Variants in ADGRB1 observed in about 807,000 individuals in gnomAD.
ADGRB1 encodes adhesion G protein-coupled receptor B1, also known as brain-specific angiogenesis inhibitor 1.
ADGRB1 carries 36 observed loss-of-function variants against 175.7 expected under a neutral mutation model. That is an observed-to-expected ratio of 0.20 (90% CI 0.16 to 0.27). The LOEUF is 0.27. Ranked by LOEUF, ADGRB1 falls within the 10% of genes least tolerant of loss-of-function variation. ADGRB1 has a pLI of 1.00. For missense variants in ADGRB1, 1,731 were observed against 2,255.3 expected, an observed-to-expected ratio of 0.77 and a Z score of 4.71; for synonymous variants, 1,054 against 979.4, an observed-to-expected ratio of 1.08 and a Z score of -1.42.
intron 1 of ADGRB1, among the ~76,000 whole-genome samples, chr8:142,453,083 C>G (rs553096614): frequency 3.5e-5 from 5 of 141,438 alleles, no homozygotes; most frequent in African/African-American, 1.0e-4. Context: ...GCCGCCGGGT[C>G]CCGTGACGCG....
At chr8:142,523,485 G>T (rs1228987046) in intron 22 of ADGRB1, among the ~76,000 whole-genome samples, 2 of 151,950 alleles carry the variant, frequency 1.3e-5, no homozygotes, top group African/African-American at 2.4e-5. Context: ...TGTCTAGGTG[G>T]CAGTAGGGGG....
chr8:142,464,890 G>A lies in ADGRB1; in HGVS notation c.692G>A (p.Arg231His). 1 of 1,525,676 alleles carries A rather than the reference G, an allele frequency of 6.6e-7. No homozygotes were observed. Among genetic ancestry groups the A allele is most frequent in the Non-Finnish European group, 8.8e-7 (1 of 1,141,882 alleles). 94.5% of individuals were successfully genotyped at this position (1,525,676 alleles called of 1,614,324 possible). Residue 231 changes from arginine (R) to histidine (H), a missense_variant, in exon 2 of 31, where the codon CGC (arginine) becomes CAC (histidine). Physicochemically the swap from Arg to His is conservative, Grantham distance 29 (BLOSUM62 0). Around this residue, in one of 8 missense-constraint regions of ADGRB1, gnomAD observed 383 missense variants for 383.1 expected, o/e 1.00. Coordinates refer to ENST00000517894, the MANE Select transcript of ADGRB1 (RefSeq NM_001702.3). Reference protein sequence around the residue: ...GGPAAGPLAPRGDVCLRDAVA... With the variant: ...GGPAAGPLAPHGDVCLRDAVA... ...CCTGCCGCGGGACCCCTGGCCCCCC[G>A]CGGGGATGTCTGCTTGAGAGATGCG...
In ADGRB1 at chr8:142,513,275, AC is replaced by A. The variant is rs1843205789; in HGVS notation, c.2817+2204del. On this transcript the variant is annotated intron_variant, in intron 18 of 30. Coordinates refer to ENST00000517894, the MANE Select transcript of ADGRB1 (RefSeq NM_001702.3). ...GCGGTTGGCTCTGCCGCAAGGGCAG[AC>A]CATGTGTGGCTCAGTTTGGGCTCTG... 2.0e-5 allele frequency among the ~76,000 whole-genome samples: 3 copies of A among 152,168 alleles called. No homozygotes were observed. The South Asian group carries it at 6.2e-4, about 32-fold the overall frequency.
rs1341520321 is a variant in ADGRB1, at chr8:142,500,238, T to G, written c.2675+9423T>G. On this transcript the variant is annotated intron_variant, in intron 17 of 30. Coordinates refer to ENST00000517894, the MANE Select transcript of ADGRB1 (RefSeq NM_001702.3). ...CTTCCCCCCGCGCCGCTCCTCCACC[T>G]CCCCACGCGCCGCTCCTCCACCTCC... 1.2e-3 allele frequency among the ~76,000 whole-genome samples: 29 copies of G among 23,688 alleles called. 1 individual carries two copies. Among genetic ancestry groups the G allele is most frequent in the African/African-American group, 2.9e-3 (21 of 7,162 alleles). The allele number at this position is 23,688 out of a possible 152,430, so 15.5% of individuals were successfully genotyped here. A position where few individuals can be genotyped will look rare whatever the true frequency, so the allele number is the denominator to read the frequency against.
intron 18 of ADGRB1, among the ~76,000 whole-genome samples, chr8:142,516,607 G>GGTGTGTGT (rs149819921): frequency 6.4e-5 from 9 of 141,234 alleles, no homozygotes; most frequent in Admixed American, 2.1e-4. Flanking sequence ...GCAGGCCACA[G>GGTGTGTGT]GTGTGTGTGT....
intron 25 of ADGRB1, among the ~76,000 whole-genome samples, chr8:142,534,568 AAGAG>A (rs1422872804): frequency 6.6e-6 from 1 of 152,144 alleles, no homozygotes; most frequent in African/African-American, 2.4e-5. Flanking sequence ...GAGGAAAGAC[AAGAG>A]GAGGAAGAGC....
At chr8:142,503,999 C>A (rs1842744066) in intron 17 of ADGRB1, among the ~76,000 whole-genome samples, 1 of 152,148 alleles carries the variant, frequency 6.6e-6, no homozygotes, top group African/African-American at 2.4e-5. Context: ...CAGGAGCCAG[C>A]CTCATAGACA....
rs139171909 is a variant in ADGRB1 at position 142,464,954 on chromosome 8, C to G, written c.756C>G (p.Thr252=). The change falls in exon 2 of 31, where the codon ACC becomes ACG. Residue 252 remains threonine, a synonymous_variant. Transcript: ENST00000517894. ...GGPENCLTSL[T]QDRGGHGATG... is the part of the protein sequence containing the mutation. ...CTGAAAACTGCCTCACCAGCCTGAC[C>G]CAGGACCGGGGCGGGCACGGCGCCA... is the stretch of plus-strand genomic sequence containing the variant. 2,673 of 1,525,810 alleles carry G rather than the reference C, an allele frequency of 1.8e-3. 29 individuals carry two copies. The African/African-American group carries it at 0.031, about 18-fold the overall frequency. 94.5% of individuals were successfully genotyped at this position (1,525,810 alleles called of 1,614,324 possible). A position where few individuals can be genotyped will look rare whatever the true frequency, so the allele number is the denominator to read the frequency against.
At position 142,511,116 on chromosome 8, in the gene ADGRB1, GC is replaced by G. The variant is rs999846807; in HGVS notation, c.2817+44del. Reference sequence around the variant, plus strand: ...CCGGCGGGAGGGGCGCCGGGCAGGGGCGCGGGCGGGGGCTGCCGGCGGGCCT... The same window carrying G: ...CCGGCGGGAGGGGCGCCGGGCAGGGGGCGGGCGGGGGCTGCCGGCGGGCCT... On this transcript the variant is annotated intron_variant, in intron 18 of 30. Coordinates refer to ENST00000517894, the MANE Select transcript of ADGRB1 (RefSeq NM_001702.3). This position sits in a 1 kb window ranked among gnomAD's most constrained non-coding sequence, Gnocchi z 4.5. 22 of 1,064,512 alleles carry G rather than the reference GC, an allele frequency of 2.1e-5. No individual in the cohort carries two copies. In the African/African-American group the frequency reaches 3.4e-4, roughly 17 times the overall value. The allele number at this position is 1,064,512 out of a possible 1,614,324, so 65.9% of individuals were successfully genotyped here. A position where few individuals can be genotyped will look rare whatever the true frequency, so the allele number is the denominator to read the frequency against.
Position 142,542,431 on chromosome 8 carries a change from C to G in ADGRB1, c.4197C>G (p.Pro1399=), listed in dbSNP as rs1298346924. Residue 1399 remains proline, a synonymous_variant, in exon 28 of 31, where the codon CCC becomes CCG. Transcript: ENST00000517894. This position sits in a 1 kb window ranked among gnomAD's most constrained non-coding sequence, Gnocchi z 6.3. ...GCAGCCCGCCCTCCCGCCAGCCCCC[C>G]AGCGGCGGGCCCCCCGAGGCACCCC... is the stretch of plus-strand genomic sequence containing the variant. ...PARSPPSRQP[P]SGGPPEAPPA... 2.4e-5 allele frequency: 36 copies of G among 1,511,936 alleles called. No homozygotes were observed. The East Asian group carries it at 4.2e-4, about 18-fold the overall frequency. 93.7% of individuals were successfully genotyped at this position (1,511,936 alleles called of 1,614,324 possible).
intron 18 of ADGRB1, among the ~76,000 whole-genome samples, chr8:142,516,478 TGTG>T (rs1843444297): frequency 1.8e-5 from 2 of 112,518 alleles, no homozygotes; most frequent in South Asian, 3.3e-4. Flanking sequence ...GATGTGTGTG[TGTG>T]CGCGCGCGTG....
At position 142,541,096 on chromosome 8, in the gene ADGRB1, AC is replaced by A. The variant is rs548881593; in HGVS notation, c.3707-844del. On this transcript the variant is annotated intron_variant, in intron 27 of 30. Transcript: ENST00000517894. ...TCTGCCAGCCTGCATGGGGCAGGAC[AC>A]AGGGGGCAGGCCAGGCTTCCCAGGA... is the stretch of plus-strand genomic sequence containing the variant. Among the ~76,000 whole-genome samples, 33 of 151,834 alleles carry A rather than the reference AC, an allele frequency of 2.2e-4. No individual in the cohort carries two copies. In the South Asian group the frequency reaches 6.9e-3, roughly 32 times the overall value.
intron 17 of ADGRB1, among the ~76,000 whole-genome samples, chr8:142,499,712 C>A (rs1842398986): frequency 6.6e-6 from 1 of 152,224 alleles, no homozygotes; most frequent in African/African-American, 2.4e-5. Context: ...CCCATGCCGC[C>A]TTTTAGAAGC....
rs140735806 is a variant in ADGRB1, at chr8:142,541,998, G to A, written c.3764G>A (p.Arg1255Gln). ...GCCACCATCACGGGCACACTGAAGC[G>A]GCCGTCTCTGCCCGAGGAGGAGAAG... ...RTATITGTLK[R>Q]PSLPEEEKLK... Residue 1255 changes from arginine to glutamine, a missense_variant, in exon 28 of 31, where the codon CGG becomes CAG. Physicochemically the swap from Arg to Gln is conservative, Grantham distance 43. Transcript: ENST00000517894. The A allele has an allele frequency of 2.1e-5, 33 of 1,591,852 alleles. No homozygotes were observed. The African/African-American group carries it at 2.4e-4, about 12-fold the overall frequency.
chr8:142,466,245 A>G (rs1031343454), intron 2 of ADGRB1, among the ~76,000 whole-genome samples: 1 of 152,144 alleles, frequency 6.6e-6, no homozygotes, highest in Admixed American at 6.5e-5. Flanking sequence ...CCTTAGGGGT[A>G]CCCAGGGGCC....
At chr8:142,498,444 G>GCCTGCT (rs1375398656) in intron 17 of ADGRB1, among the ~76,000 whole-genome samples, 1 of 152,158 alleles carries the variant, frequency 6.6e-6, no homozygotes, top group Non-Finnish European at 1.5e-5. Flanking sequence ...TGCCCCGGGT[G>GCCTGCT]CCTGCTTGGG....
rs372680656 is a variant in ADGRB1, at chr8:142,526,636, G to A, written c.3398+9G>A. On this transcript the variant is annotated intron_variant, in intron 24 of 30. Coordinates refer to ENST00000517894, the MANE Select transcript of ADGRB1 (RefSeq NM_001702.3). Reference sequence around the variant, plus strand: ...CTGAAGGAGCGGGCAGGGTAGGACCGGGGCTACGCGGCTCCTTGCCCACCC... The same window carrying A: ...CTGAAGGAGCGGGCAGGGTAGGACCAGGGCTACGCGGCTCCTTGCCCACCC... 4.2e-4 allele frequency: 668 copies of A among 1,607,136 alleles called. No homozygotes were observed. Among genetic ancestry groups the A allele is most frequent in the Non-Finnish European group, 4.3e-4 (504 of 1,177,106 alleles).
In ADGRB1 at chr8:142,537,613, T is replaced by C. The variant is rs1360580812; in HGVS notation, c.3666+531T>C. Among the ~76,000 whole-genome samples the C allele has an allele frequency of 2.0e-5, 3 of 151,988 alleles. No individual in the cohort carries two copies. The highest frequency in any genetic ancestry group is 4.4e-5 in the Non-Finnish European group (3 of 67,974). On this transcript the variant is annotated intron_variant, in intron 26 of 30. Transcript: ENST00000517894. This position sits in a 1 kb window ranked among gnomAD's most constrained non-coding sequence, Gnocchi z 4.6. ...GACTCTCCCTTGTGGCCCCTGGCCA[T>C]CCTGCCTTCACCCTCTCTGGGCTCT...
In ADGRB1 at chr8:142,526,617, G is replaced by A; in HGVS notation, c.3388G>A (p.Glu1130Lys). ...CGGCATCACGGACAAGAAGCTGAAGGAGCGGGCAGGGTAGGACCGGGGCTA... is the reference window on the plus strand; with the variant it reads ...CGGCATCACGGACAAGAAGCTGAAGAAGCGGGCAGGGTAGGACCGGGGCTA... ...KDGITDKKLK[E>K]RAGASLWSSC... is the part of the protein sequence containing the mutation. The change falls in exon 24 of 31, where the codon GAG becomes AAG. Residue 1130 changes from glutamate (E) to lysine (K), a missense_variant. Around this residue, in one of 8 missense-constraint regions of ADGRB1, gnomAD observed 301 missense variants for 488.4 expected, o/e 0.62. Coordinates refer to ENST00000517894, the MANE Select transcript of ADGRB1 (RefSeq NM_001702.3). The A allele has an allele frequency of 6.2e-7, 1 of 1,611,494 alleles. No individual in the cohort carries two copies. The highest frequency in any genetic ancestry group is 8.5e-7 in the Non-Finnish European group (1 of 1,179,074).
Sources: allele counts gnomAD v4.1 joint callset (sites outside exome capture counted in the v4.1 genomes callset), GRCh38; gene constraint gnomAD v4.1.1; regional missense constraint gnomAD v4.1.1; non-coding constraint Gnocchi (gnomAD v3.1); transcripts MANE v1.5; gene names NCBI Gene and HGNC (gene_info 2026-07-23, HGNC 2026-07-21).